The following CDC14A variants were observed in gnomAD, a reference collection of about 807,000 sequenced individuals.
The protein encoded by CDC14A is cell division cycle 14A, also known as dual specificity protein phosphatase CDC14A.
A neutral mutation model predicts 74.4 loss-of-function variants in CDC14A; 53 were observed. That is an observed-to-expected ratio of 0.71 (90% CI 0.57 to 0.89). The LOEUF (loss-of-function observed/expected upper bound fraction) is 0.89. Among genes scored for constraint, CDC14A ranks in the 40% least tolerant of loss-of-function variants. The pLI is 0.00. For missense variants in CDC14A, 646 were observed against 713.7 expected (o/e 0.91, Z 1.08); for synonymous variants, 247 against 258.4 (o/e 0.96, Z 0.43).
chr1:100,499,319 C>CT, intron 15 of CDC14A, 57 bp downstream of exon 15: 1 of 1,614,112 alleles, frequency 6.2e-7, no homozygotes. Context: ...ACTTCTGTGC[C>CT]TTGCCTTCCC....
chr1:100,460,634 T>G (rs1667225658), intron 8 of CDC14A, among the ~76,000 whole-genome samples: 1 of 152,232 alleles, frequency 6.6e-6, no homozygotes, highest in Non-Finnish European at 1.5e-5. Context: ...GGGAAATAAT[T>G]TGAGCAAGTA....
intron 2 of CDC14A, among the ~76,000 whole-genome samples, chr1:100,369,728 A>C (rs948530952): frequency 1.3e-5 from 2 of 152,144 alleles, no homozygotes; most frequent in East Asian, 3.9e-4. Context: ...CTTTAGTTTA[A>C]TTAGGTCCCA....
chr1:100,399,860 A>AAG (rs1659032613), intron 4 of CDC14A, among the ~76,000 whole-genome samples: 1 of 152,092 alleles, frequency 6.6e-6, no homozygotes, highest in African/African-American at 2.4e-5. Flanking sequence ...GACTCAAAAA[A>AAG]AAAAAAAAGA....
At chr1:100,514,408 C>G (rs924998846) in intron 15 of CDC14A, among the ~76,000 whole-genome samples, 1 of 152,094 alleles carries the variant, frequency 6.6e-6, no homozygotes, top group Non-Finnish European at 1.5e-5. Context: ...ATGTATTTAT[C>G]TTTTAATGCA....
At chr1:100,474,719 C>T (rs1355993307) in intron 10 of CDC14A, among the ~76,000 whole-genome samples, 1 of 151,194 alleles carries the variant, frequency 6.6e-6, no homozygotes, top group Non-Finnish European at 1.5e-5. Flanking sequence ...TGTCAGTCTC[C>T]CTAGAAGTTG....
At chr1:100,422,384 C>T (rs1662477163) in intron 4 of CDC14A, among the ~76,000 whole-genome samples, 1 of 152,226 alleles carries the variant, frequency 6.6e-6, no homozygotes, top group African/African-American at 2.4e-5. Flanking sequence ...CTAATCCACA[C>T]ACAGAAGCTT....
chr1:100,472,950 T>C (rs542180866), intron 10 of CDC14A, among the ~76,000 whole-genome samples: 1 of 152,092 alleles, frequency 6.6e-6, no homozygotes, highest in East Asian at 1.9e-4. Flanking sequence ...AATGCCACAC[T>C]CTCTTGATTA....
chr1:100,487,579 AC>A (rs1339123388), intron 11 of CDC14A, among the ~76,000 whole-genome samples: 64 of 149,926 alleles, frequency 4.3e-4, no homozygotes, highest in African/African-American at 1.5e-3. Context: ...ACAGAACAAA[AC>A]AAAACAAAAC....
chr1:100,409,708 ACTCCTGTCACCAAGGTTGCAGTTGCAAGG>A (rs1413363231), intron 4 of CDC14A, among the ~76,000 whole-genome samples: 5 of 152,162 alleles, frequency 3.3e-5, no homozygotes, highest in African/African-American at 1.2e-4. Flanking sequence ...CCTGCCCTTG[ACTCCTGTCACCAAGGTTGCAGTTGCAAGG>A]CTTTCAATTT....
At chr1:100,352,111 G>C (rs548360141), upstream of CDC14A, among the ~76,000 whole-genome samples, 1 of 152,174 alleles carries the variant, frequency 6.6e-6, no homozygotes, top group Non-Finnish European at 1.5e-5. Flanking sequence ...ACAAGACTTA[G>C]AGGGTGCAGA....
chr1:100,459,411 C>G (rs1667100416), intron 8 of CDC14A, among the ~76,000 whole-genome samples: 1 of 152,160 alleles, frequency 6.6e-6, no homozygotes, highest in African/African-American at 2.4e-5. Context: ...GAGTATTGGG[C>G]ACACATAATA....
chr1:100,427,409 T>A (rs540909709), intron 5 of CDC14A, among the ~76,000 whole-genome samples: 2 of 152,216 alleles, frequency 1.3e-5, no homozygotes, highest in Middle Eastern at 3.4e-3. Flanking sequence ...AATAAAAGAG[T>A]TTTATGGCTA....
intron 4 of CDC14A, among the ~76,000 whole-genome samples, chr1:100,402,971 A>C (rs1228370363): frequency 6.6e-6 from 1 of 152,230 alleles, no homozygotes; most frequent in Non-Finnish European, 1.5e-5. Context: ...TAACACTGCC[A>C]AAACTTTCGT....
intron 5 of CDC14A, among the ~76,000 whole-genome samples, chr1:100,439,460 C>A (rs1478449479): frequency 6.6e-6 from 1 of 152,084 alleles, no homozygotes. Context: ...TCAAACAGTT[C>A]AATTCACTGT....
intron 10 of CDC14A, among the ~76,000 whole-genome samples, chr1:100,471,371 A>G (rs1014536083): frequency 4.6e-5 from 7 of 152,156 alleles, no homozygotes; most frequent in African/African-American, 1.7e-4. Context: ...ATCAGTTGTA[A>G]TTCCATATAC....
At chr1:100,351,620 T>C (rs1007657349), upstream of CDC14A, 6 of 744,350 alleles carry the variant, frequency 8.1e-6, no homozygotes, top group Admixed American at 7.4e-5. Context: ...CTCTCTCTCC[T>C]GTTCCCTCCG....
At chr1:100,398,562 A>G (rs372520112) in intron 4 of CDC14A, among the ~76,000 whole-genome samples, 1 of 152,176 alleles carries the variant, frequency 6.6e-6, no homozygotes, top group South Asian at 2.1e-4. Context: ...TCATTAGTTC[A>G]GTAAATCTTT....
chr1:100,435,784 A>G (rs1239247582), intron 5 of CDC14A, among the ~76,000 whole-genome samples: 4 of 146,052 alleles, frequency 2.7e-5, no homozygotes, highest in African/African-American at 1.0e-4. Context: ...AGATTGTGCC[A>G]GTGCGCTCCA....
At chr1:100,357,745 T>TAA (rs71310165) in intron 2 of CDC14A, among the ~76,000 whole-genome samples, 45,870 of 139,276 alleles carry the variant, frequency 0.33, 8,165 homozygotes, top group East Asian at 0.49. Context: ...CCCCATCTCT[T>TAA]AAAAAAAAAA....
Sources: gnomAD v4.1 joint callset for allele counts (sites outside exome capture counted in the v4.1 genomes callset) on GRCh38, gnomAD v4.1.1 for gene constraint, MANE v1.5 for transcripts, NCBI Gene and HGNC (gene_info 2026-07-23, HGNC 2026-07-21) for gene names.